Variants in ZNF732 observed in about 807,000 individuals in gnomAD.
ZNF732 encodes the protein zinc finger protein 732, also known as zinc finger protein LOC654254.
In ZNF732, 12 loss-of-function variants were observed where a neutral mutation model predicts 11.5. The ratio of observed to expected loss-of-function variants is 1.05; its 90% CI spans 0.67 to 1.70. ZNF732 has a LOEUF of 1.70. Among genes scored for constraint, ZNF732 ranks in the 40% most tolerant of loss-of-function variants. The pLI is 0.00. For missense variants in ZNF732, 702 were observed against 676.9 expected (o/e 1.04, Z -0.41); for synonymous variants, 231 against 236.5 (o/e 0.98, Z 0.21).
intron 3 of ZNF732, among the ~76,000 whole-genome samples, chr4:280,804 A>G (rs1719605054): frequency 6.6e-6 from 1 of 152,188 alleles, no homozygotes; most frequent in Non-Finnish European, 1.5e-5. Flanking sequence ...TCCTGCTACT[A>G]GCACCATCTG....
At position 301,216 on chromosome 4, in the gene ZNF732, C is replaced by T. The variant is rs563526808; in HGVS notation, c.3+4092G>A. Reference sequence around the variant, plus strand: ...TGGCGATCATTAAAAAGTCAGGAAACGACAGGTGCTGGAGAGGATGTGGAG... The same window carrying T: ...TGGCGATCATTAAAAAGTCAGGAAATGACAGGTGCTGGAGAGGATGTGGAG... On this transcript the variant is annotated intron_variant, in intron 1 of 3. Transcript: ENST00000419098. Among the ~76,000 whole-genome samples the T allele has an allele frequency of 3.0e-4, 46 of 152,222 alleles. 1 individual carries two copies. The East Asian group carries it at 7.9e-3, about 26-fold the overall frequency.
intron 1 of ZNF732, among the ~76,000 whole-genome samples, chr4:297,415 G>A (rs1383487276): frequency 6.6e-6 from 1 of 152,082 alleles, no homozygotes; most frequent in African/African-American, 2.4e-5. Context: ...TGGGAGGTGG[G>A]CACTAAGTGT....
At chr4:277,822 T>C (rs971407867) in intron 3 of ZNF732, among the ~76,000 whole-genome samples, 1 of 152,126 alleles carries the variant, frequency 6.6e-6, no homozygotes, top group Admixed American at 6.5e-5. Flanking sequence ...TCACAGGTTC[T>C]ATTTTTAATT....
intron 1 of ZNF732, among the ~76,000 whole-genome samples, chr4:303,724 G>C (rs958836797): frequency 6.6e-6 from 1 of 152,214 alleles, no homozygotes; most frequent in Admixed American, 6.5e-5. Context: ...CGTCTAATTT[G>C]GGTTTGCTCC....
At chr4:285,545 T>A (rs1581538678) in intron 3 of ZNF732, among the ~76,000 whole-genome samples, 1 of 152,162 alleles carries the variant, frequency 6.6e-6, no homozygotes, top group Admixed American at 6.5e-5. Context: ...CTAGCGTGCA[T>A]GTGTGTGAAT....
At chr4:292,525 C>T (rs1365453051) in intron 3 of ZNF732, among the ~76,000 whole-genome samples, 1 of 149,102 alleles carries the variant, frequency 6.7e-6, no homozygotes, top group Admixed American at 6.7e-5. Context: ...CCACTGCACT[C>T]CAGCCTGAGC....
At position 272,382 on chromosome 4, in the gene ZNF732, G is replaced by A. The variant is rs115069723; in HGVS notation, c.475C>T (p.Arg159Cys). 20,054 of 1,600,532 alleles carry A rather than the reference G, an allele frequency of 0.013. 170 individuals carry two copies. Among genetic ancestry groups the A allele is most frequent in the Non-Finnish European group, 0.015 (17,887 of 1,172,436 alleles). ...VFSTFSNSNQ[R>C]RIRHTGEKHF... Reference sequence around the variant, plus strand: ...TTCTCTCCAGTATGTCTTATCCTACGTTGGTTTGAATTTGAAAATGTACTA... The same window carrying A: ...TTCTCTCCAGTATGTCTTATCCTACATTGGTTTGAATTTGAAAATGTACTA... Residue 159 changes from arginine (R) to cysteine (C), a missense_variant, in exon 4 of 4, where the codon CGT becomes TGT. Physicochemically the swap from Arg to Cys is radical, Grantham distance 180. This residue lies in a region of ZNF732 where 596 missense variants were observed against 557.9 expected (regional missense o/e 1.07). Transcript: ENST00000419098.
intron 3 of ZNF732, among the ~76,000 whole-genome samples, chr4:278,543 G>C (rs1483195050): frequency 6.6e-6 from 1 of 152,212 alleles, no homozygotes; most frequent in Non-Finnish European, 1.5e-5. Flanking sequence ...AATGGGTTGT[G>C]TGAGCCCCCA....
chr4:271,645 G>T lies in ZNF732; in HGVS notation c.1212C>A (p.Thr404=). 1 of 1,610,260 alleles carries T rather than the reference G, an allele frequency of 6.2e-7. No individual in the cohort carries two copies. The highest frequency in any genetic ancestry group is 2.2e-5 in the East Asian group (1 of 44,796). ...TATGAATTCTCTTATGTTCATTAAGGGTTGTGAACCGACTAAAGGCTTTTC... is the reference window on the plus strand; with the variant it reads ...TATGAATTCTCTTATGTTCATTAAGTGTTGTGAACCGACTAAAGGCTTTTC... The part of the protein sequence containing the change: ...ECGKAFSRFT[T]LNEHKRIHTG... Residue 404 remains threonine, a synonymous_variant, in exon 4 of 4, where the codon ACC becomes ACA. Transcript: ENST00000419098.
rs1366785808 is a variant in ZNF732, at chr4:271,917, CTT to C, written c.938_939del (p.Lys313SerfsTer3). 2 of 1,611,182 alleles carry C rather than the reference CTT, an allele frequency of 1.2e-6. No individual in the cohort carries two copies. The highest frequency in any genetic ancestry group is 2.2e-5 in the East Asian group (1 of 44,758). ...GTAAGGGTTGTGGACCTATTAAAGA[CTT>C]TGCCACATTCCTGACATTTGTAGAG... ...EKLYKCQECG[K>X]VFNRSTTLTK... On this transcript the variant is annotated frameshift_variant, in exon 4 of 4. Transcript: ENST00000419098. LOFTEE classifies it low-confidence loss of function (END_TRUNC).
chr4:286,981 T>C (rs1719743796), intron 3 of ZNF732, among the ~76,000 whole-genome samples: 2 of 151,942 alleles, frequency 1.3e-5, no homozygotes. Context: ...TGAAACCCCG[T>C]CTCTACTAAA....
chr4:280,630 G>A (rs1719602542), intron 3 of ZNF732, among the ~76,000 whole-genome samples: 1 of 152,144 alleles, frequency 6.6e-6, no homozygotes, highest in African/African-American at 2.4e-5. Context: ...ATTTATGGGA[G>A]CTTTGGAATC....
chr4:286,495 C>T (rs1719734959), intron 3 of ZNF732, among the ~76,000 whole-genome samples: 2 of 152,176 alleles, frequency 1.3e-5, no homozygotes, highest in South Asian at 4.1e-4. Flanking sequence ...TCTATATCCA[C>T]AATGAGGATA....
chr4:274,258 G>A (rs1453191031), intron 3 of ZNF732, among the ~76,000 whole-genome samples: 2 of 151,440 alleles, frequency 1.3e-5, no homozygotes, highest in Admixed American at 6.6e-5. Context: ...TGAAGTTGAG[G>A]GCAGATGTAA....
At position 270,866 on chromosome 4, in the gene ZNF732, C is replaced by G; in HGVS notation, c.*233G>C. The stretch of plus-strand genomic sequence containing the variant: ...TCACATTTGTAGGGTTGCTCTCCAG[C>G]ATCAATTTTCTTATGTTGATTCAGG... On this transcript the variant is annotated 3_prime_UTR_variant, in exon 4 of 4. Coordinates refer to ENST00000419098, the MANE Select transcript of ZNF732 (RefSeq NM_001137608.3). 1 of 627,178 alleles carries G rather than the reference C, an allele frequency of 1.6e-6. No homozygotes were observed. 38.9% of individuals were successfully genotyped at this position (627,178 alleles called of 1,614,324 possible). A position where few individuals can be genotyped will look rare whatever the true frequency, so the allele number is the denominator to read the frequency against.
At chr4:280,689 G>A (rs939211365) in intron 3 of ZNF732, among the ~76,000 whole-genome samples, 1 of 152,222 alleles carries the variant, frequency 6.6e-6, no homozygotes, top group Non-Finnish European at 1.5e-5. Flanking sequence ...TATTGAAAAG[G>A]CATGCCCTTG....
At chr4:273,142 G>C (rs1272059314) in intron 3 of ZNF732, among the ~76,000 whole-genome samples, 1 of 152,084 alleles carries the variant, frequency 6.6e-6, no homozygotes, top group Non-Finnish European at 1.5e-5. Context: ...TTCAAGAGCA[G>C]ACTGAAGTGC....
chr4:305,304 T>A lies in ZNF732; in HGVS notation c.3+4A>T. On this transcript the variant is annotated splice_donor_region_variant and intron_variant, in intron 1 of 3. Coordinates refer to ENST00000419098, the MANE Select transcript of ZNF732 (RefSeq NM_001137608.3). ...GCCTTGGGACGCCCTGCCCCCACAC[T>A]CACCATTTCCCCACTTCAGGGGTGT... 6.2e-7 allele frequency: 1 copy of A among 1,606,738 alleles called. No individual in the cohort carries two copies. The highest frequency in any genetic ancestry group is 8.5e-7 in the Non-Finnish European group (1 of 1,179,210).
intron 3 of ZNF732, among the ~76,000 whole-genome samples, chr4:285,343 G>T (rs1247526968): frequency 1.3e-5 from 2 of 152,192 alleles, no homozygotes; most frequent in South Asian, 4.1e-4. Flanking sequence ...ATGGTCAGGT[G>T]ATCCAGAAGC....
Sources: allele counts gnomAD v4.1 joint callset (sites outside exome capture counted in the v4.1 genomes callset), GRCh38; gene constraint gnomAD v4.1.1; regional missense constraint gnomAD v4.1.1; transcripts MANE v1.5; gene names NCBI Gene and HGNC (gene_info 2026-07-23, HGNC 2026-07-21).